ZEB2: variants seen among roughly 807,000 people sequenced by gnomAD.
ZEB2 encodes the protein zinc finger E-box binding homeobox 2.
A neutral mutation model predicts 99.9 loss-of-function variants in ZEB2; 6 were observed. That is an observed-to-expected ratio of 0.06 (90% confidence interval 0.03 to 0.12). ZEB2 has a LOEUF of 0.12. ZEB2 is among the 10% of genes least tolerant of loss of function. The pLI, the probability that ZEB2 is intolerant of heterozygous loss-of-function variation, is 1.00. For missense variants in ZEB2, 969 were observed against 1,502.8 expected (o/e 0.64, Z 5.87); for synonymous variants, 517 against 542.5 (o/e 0.95, Z 0.65).
chr2:144,444,004 G>A (rs1009288677), intron 2 of ZEB2, among the ~76,000 whole-genome samples: 2 of 152,138 alleles, frequency 1.3e-5, no homozygotes, highest in Non-Finnish European at 2.9e-5. Context: ...GCCATTCCAG[G>A]TAGCAAAACA....
intron 9 of ZEB2, among the ~76,000 whole-genome samples, chr2:144,393,912 G>T (rs1703186035): frequency 6.6e-6 from 1 of 152,150 alleles, no homozygotes; most frequent in Admixed American, 6.5e-5. Context: ...AACAAAGTTT[G>T]TTTGTTTATT....
At chr2:144,479,161 A>G (rs1704471830) in intron 2 of ZEB2, among the ~76,000 whole-genome samples, 1 of 152,208 alleles carries the variant, frequency 6.6e-6, no homozygotes, top group Admixed American at 6.5e-5. Flanking sequence ...CTTTTGCTAA[A>G]TTTTTATGAT....
chr2:144,437,108 A>G (rs1261371711), intron 2 of ZEB2, among the ~76,000 whole-genome samples: 2 of 152,106 alleles, frequency 1.3e-5, no homozygotes, highest in Non-Finnish European at 2.9e-5. Context: ...TCATTTAGTG[A>G]GTTTTTGTAG....
intron 2 of ZEB2, among the ~76,000 whole-genome samples, chr2:144,454,213 C>T (rs1174563993): frequency 2.0e-5 from 3 of 152,204 alleles, no homozygotes; most frequent in African/African-American, 7.2e-5. Flanking sequence ...TTGGGAAATA[C>T]AGTTTATTTT....
intron 7 of ZEB2, 186 bp from the exon 8 acceptor site, chr2:144,400,456 T>C: frequency 2.9e-6 from 2 of 688,530 alleles, no homozygotes; most frequent in Non-Finnish European, 4.8e-6. Context: ...TGGGAGGACA[T>C]AATTCAAGAT....
At chr2:144,444,170 A>G (rs1208663489) in intron 2 of ZEB2, among the ~76,000 whole-genome samples, 1 of 152,220 alleles carries the variant, frequency 6.6e-6, no homozygotes, top group Non-Finnish European at 1.5e-5. Context: ...TCGTAGAAAC[A>G]TAAGACTTTG....
At chr2:144,504,346 G>T (rs1266135071) in intron 2 of ZEB2, 1 of 152,222 alleles carries the variant, frequency 6.6e-6, no homozygotes, top group African/African-American at 2.4e-5. Context: ...TCAGGATATG[G>T]TGCTGCTGAG....
intron 2 of ZEB2, among the ~76,000 whole-genome samples, chr2:144,491,375 C>T (rs995792854): frequency 1.9e-4 from 25 of 133,812 alleles, no homozygotes; most frequent in Non-Finnish European, 3.1e-4. Context: ...AAAAAAAAAA[C>T]GACCTAATAC....
intron 2 of ZEB2, among the ~76,000 whole-genome samples, chr2:144,489,511 A>C (rs567206868): frequency 1.6e-4 from 25 of 152,366 alleles, no homozygotes; most frequent in Admixed American, 1.6e-3. Context: ...GAGAAAATGC[A>C]TATCAGCAGA....
At chr2:144,435,956 T>A (rs1191059320) in intron 2 of ZEB2, among the ~76,000 whole-genome samples, 1 of 152,010 alleles carries the variant, frequency 6.6e-6, no homozygotes, top group African/African-American at 2.4e-5. Flanking sequence ...ACAGTTACCT[T>A]GTTACCTCCG....
At chr2:144,394,014 C>G (rs145899386) in intron 9 of ZEB2, among the ~76,000 whole-genome samples, 3 of 152,118 alleles carry the variant, frequency 2.0e-5, no homozygotes, top group Non-Finnish European at 4.4e-5. Flanking sequence ...CTCCGCCTCC[C>G]GGGTTCAAGT....
At position 144,498,000 on chromosome 2, in the gene ZEB2, T is replaced by A. The variant is rs28391858; in HGVS notation, c.73+19278A>T. On this transcript the variant is annotated intron_variant, in intron 2 of 9. Coordinates refer to ENST00000627532, the MANE Select transcript of ZEB2 (RefSeq NM_014795.4). ...TTATATAATATATTAATATTATATA[T>A]TATATAATATATTAATATTATATAT... is the stretch of plus-strand genomic sequence containing the variant. 2.9e-3 allele frequency among the ~76,000 whole-genome samples: 6 copies of A among 2,068 alleles called. 1 individual carries two copies. The highest frequency in any genetic ancestry group is 0.026 in the Admixed American group (2 of 76). The allele number at this position is 2,068 out of a possible 152,430, so 1.4% of individuals were successfully genotyped here.
At chr2:144,479,106 T>C (rs565314536) in intron 2 of ZEB2, among the ~76,000 whole-genome samples, 35 of 152,350 alleles carry the variant, frequency 2.3e-4, no homozygotes, top group Non-Finnish European at 3.8e-4. Context: ...TTGTCAGGGA[T>C]TGAAAAACAA....
At chr2:144,514,137 G>T in intron 2 of ZEB2, 1 of 278,084 alleles carries the variant, frequency 3.6e-6, no homozygotes. Flanking sequence ...GAATCTGGAA[G>T]GTTGTATTTC....
intron 2 of ZEB2, among the ~76,000 whole-genome samples, chr2:144,516,923 C>G (rs1293756058): frequency 6.6e-6 from 1 of 151,464 alleles, no homozygotes; most frequent in African/African-American, 2.4e-5. Flanking sequence ...GCTCCCGAAG[C>G]CCGGCCGGAG....
intron 2 of ZEB2, among the ~76,000 whole-genome samples, chr2:144,473,842 G>T (rs571580468): frequency 6.6e-6 from 1 of 152,222 alleles, no homozygotes; most frequent in East Asian, 1.9e-4. Flanking sequence ...ACCAATTCAT[G>T]GTTTAAATTC....
At chr2:144,490,848 G>C (rs1704667355) in intron 2 of ZEB2, among the ~76,000 whole-genome samples, 1 of 152,168 alleles carries the variant, frequency 6.6e-6, no homozygotes, top group African/African-American at 2.4e-5. Context: ...ATTCAAAATG[G>C]AAAACAGCTA....
At chr2:144,511,907 C>A in intron 2 of ZEB2, 1 of 1,287,152 alleles carries the variant, frequency 7.8e-7, no homozygotes, top group South Asian at 1.2e-5. Context: ...CATATTTGGG[C>A]TTATGTTAAC....
intron 2 of ZEB2, among the ~76,000 whole-genome samples, chr2:144,488,670 A>AGTGT (rs57221448): frequency 0.46 from 67,918 of 147,968 alleles, 17,715 homozygotes; most frequent in Non-Finnish European, 0.61. Context: ...CTCGTGTGTG[A>AGTGT]GTGTGTGTGT....
Sources: gnomAD v4.1 joint callset for allele counts (sites outside exome capture counted in the v4.1 genomes callset) on GRCh38, gnomAD v4.1.1 for gene constraint, MANE v1.5 for transcripts, NCBI Gene and HGNC (gene_info 2026-07-23, HGNC 2026-07-21) for gene names.